ZNF266: variants seen among roughly 807,000 people sequenced by gnomAD.
ZNF266 encodes the protein zinc finger protein 1.
ZNF266 carries 16 observed loss-of-function variants against 16.4 expected under a neutral mutation model. The observed-to-expected ratio is 0.98, with a 90% CI of 0.66 to 1.48. The LOEUF is 1.48. Among genes scored for constraint, ZNF266 ranks in the 40% most tolerant of loss-of-function variants. The pLI is 0.00. For missense variants in ZNF266, 738 were observed against 689.1 expected (o/e 1.07, Z -0.79); for synonymous variants, 262 against 237.9 (o/e 1.10, Z -0.93).
intron 7 of ZNF266, 47 bp from the exon 8 acceptor site, chr19:9,418,678 C>T (rs2069421256): frequency 1.0e-6 from 1 of 963,280 alleles, no homozygotes; most frequent in Admixed American, 1.8e-5. Flanking sequence ...ACATGTCTAC[C>T]AGTGTTCACT....
At position 9,425,947 on chromosome 19, in the gene ZNF266, C is replaced by T. The variant is rs78263998; in HGVS notation, c.-129-5729G>A. Among the ~76,000 whole-genome samples the T allele has an allele frequency of 5.9e-4, 90 of 152,186 alleles. 2 individuals carry two copies. The East Asian group carries it at 0.015, about 26-fold the overall frequency. On this transcript the variant is annotated intron_variant, in intron 5 of 10. Coordinates refer to ENST00000592904, the MANE Select transcript of ZNF266 (RefSeq NM_001370374.1). Reference sequence around the variant, plus strand: ...GGCGCTGGGCCAATCAAAGGGTTAGCGGAGTGCAAGAGGAAGACCGGCATT... The same window carrying T: ...GGCGCTGGGCCAATCAAAGGGTTAGTGGAGTGCAAGAGGAAGACCGGCATT...
intron 8 of ZNF266, among the ~76,000 whole-genome samples, 199 bp downstream of exon 8, chr19:9,418,306 A>G (rs1240835615): frequency 6.6e-6 from 1 of 152,216 alleles, no homozygotes; most frequent in Non-Finnish European, 1.5e-5. Context: ...CTGAGAACAT[A>G]CATCTCCAAC....
At chr19:9,431,440 G>T (rs2071576165) in intron 5 of ZNF266, among the ~76,000 whole-genome samples, 1 of 152,208 alleles carries the variant, frequency 6.6e-6, no homozygotes, top group African/African-American at 2.4e-5. Context: ...GCATGCTGCT[G>T]CATGACCTGT....
Position 9,418,511 on chromosome 19 carries a change from T to C in ZNF266, c.229A>G (p.Thr77Ala). Residue 77 changes from threonine (T) to alanine (A), a missense_variant, in exon 8 of 11, where the codon ACA (threonine) becomes GCA (alanine). Physicochemically the swap from Thr to Ala is moderately conservative, Grantham distance 58. Coordinates refer to ENST00000592904, the MANE Select transcript of ZNF266 (RefSeq NM_001370374.1). ...GGGATGAGGCCAGTCTTACCTACTG[T>C]GGCCAAATTCTTGTAGTTCTCCAGC... ...VMLENYKNLATVGYQLFKPSL... is the reference protein window; with the variant it reads ...VMLENYKNLAAVGYQLFKPSL... 1.2e-6 allele frequency: 2 copies of C among 1,614,216 alleles called. No homozygotes were observed. Among genetic ancestry groups the C allele is most frequent in the Admixed American group, 1.7e-5 (1 of 60,016 alleles).
chr19:9,422,014 C>T (rs2069991872), intron 5 of ZNF266, among the ~76,000 whole-genome samples: 1 of 152,168 alleles, frequency 6.6e-6, no homozygotes, highest in South Asian at 2.1e-4. Flanking sequence ...CCACACCCGG[C>T]TAATTTTTTT....
At chr19:9,431,410 G>A (rs780222830) in intron 5 of ZNF266, among the ~76,000 whole-genome samples, 18 of 152,198 alleles carry the variant, frequency 1.2e-4, no homozygotes, top group Non-Finnish European at 2.4e-4. Context: ...TCATGACACA[G>A]ACAATGCGCA....
intron 5 of ZNF266, among the ~76,000 whole-genome samples, chr19:9,426,115 G>A (rs187208819): frequency 5.8e-4 from 89 of 152,198 alleles, no homozygotes; most frequent in Non-Finnish European, 1.2e-4. Context: ...CCAGGACACT[G>A]CCTTCCATTG....
At chr19:9,418,136 A>C (rs2069339401) in intron 8 of ZNF266, among the ~76,000 whole-genome samples, 4 of 152,248 alleles carry the variant, frequency 2.6e-5, no homozygotes, top group Admixed American at 2.6e-4. Context: ...TTTTATCCAA[A>C]TAGGAAGTTA....
intron 8 of ZNF266, 70 bp downstream of exon 8, chr19:9,418,435 A>T: frequency 6.6e-7 from 1 of 1,518,834 alleles, no homozygotes; most frequent in South Asian, 1.1e-5. Context: ...GCTATCTCTG[A>T]TGTGCAATAC....
At chr19:9,424,220 CAAAA>C (rs55740067) in intron 5 of ZNF266, among the ~76,000 whole-genome samples, 3,396 of 121,450 alleles carry the variant, frequency 0.028, 59 homozygotes, top group African/African-American at 0.061. Flanking sequence ...AACCAAGAGG[CAAAA>C]AAAAAAAAAA....
intron 5 of ZNF266, among the ~76,000 whole-genome samples, chr19:9,423,088 C>G (rs1312527446): frequency 6.6e-6 from 1 of 152,128 alleles, no homozygotes; most frequent in African/African-American, 2.4e-5. Context: ...CTCAATGGGC[C>G]CATTAAAAAA....
At chr19:9,430,940 G>A (rs1283563503) in intron 5 of ZNF266, among the ~76,000 whole-genome samples, 2 of 152,156 alleles carry the variant, frequency 1.3e-5, no homozygotes, top group Admixed American at 6.5e-5. Context: ...GACCTCAAGG[G>A]CAACCCTCTT....
chr19:9,422,768 T>C (rs141230302), intron 5 of ZNF266, among the ~76,000 whole-genome samples: 31 of 108,568 alleles, frequency 2.9e-4, no homozygotes, highest in African/African-American at 8.6e-4. Context: ...TAAAGGAAAA[T>C]CTTCCGAGTG....
intron 3 of ZNF266, 83 bp downstream of exon 3, chr19:9,434,715 T>C (rs1287868020): frequency 6.6e-6 from 1 of 152,176 alleles, no homozygotes; most frequent in African/African-American, 2.4e-5. Context: ...TATTATGGTT[T>C]TAAAAGGACA....
At position 9,421,261 on chromosome 19, in the gene ZNF266, G is replaced by T. The variant is rs190611849; in HGVS notation, c.-129-1043C>A. Among the ~76,000 whole-genome samples the T allele has an allele frequency of 3.2e-4, 49 of 152,228 alleles. 1 individual carries two copies. The highest frequency in any genetic ancestry group is 3.4e-3 in the Middle Eastern group (1 of 294). ...GGCTGAAACTCTGAGGTCACACTGGGTTACAGAAACCCCATGTCTAGACTC... is the reference window on the plus strand; with the variant it reads ...GGCTGAAACTCTGAGGTCACACTGGTTTACAGAAACCCCATGTCTAGACTC... On this transcript the variant is annotated intron_variant, in intron 5 of 10. Coordinates refer to ENST00000592904, the MANE Select transcript of ZNF266 (RefSeq NM_001370374.1).
chr19:9,426,684 TTAAC>T (rs1255066746), intron 5 of ZNF266, among the ~76,000 whole-genome samples: 2 of 152,122 alleles, frequency 1.3e-5, no homozygotes, highest in Non-Finnish European at 2.9e-5. Context: ...TAACTAGACT[TTAAC>T]TAACATTTGG....
At chr19:9,422,321 A>C (rs2070049720) in intron 5 of ZNF266, among the ~76,000 whole-genome samples, 1 of 152,146 alleles carries the variant, frequency 6.6e-6, no homozygotes, top group African/African-American at 2.4e-5. Flanking sequence ...TGGAGCCTAA[A>C]GGCACCCAGT....
chr19:9,433,247 C>A (rs2071907384), intron 5 of ZNF266, among the ~76,000 whole-genome samples: 1 of 152,062 alleles, frequency 6.6e-6, no homozygotes, highest in African/African-American at 2.4e-5. Flanking sequence ...GTTGTATTTC[C>A]AGGCCATGTG....
At chr19:9,431,575 G>C (rs2071595667) in intron 5 of ZNF266, among the ~76,000 whole-genome samples, 1 of 152,232 alleles carries the variant, frequency 6.6e-6, no homozygotes, top group African/African-American at 2.4e-5. Context: ...GTGTGCCCCA[G>C]AGGTGTGTTT....
Sources: gnomAD v4.1 joint callset for allele counts (sites outside exome capture counted in the v4.1 genomes callset) on GRCh38, gnomAD v4.1.1 for gene constraint, MANE v1.5 for transcripts, NCBI Gene and HGNC (gene_info 2026-07-23, HGNC 2026-07-21) for gene names.